MYO16: variants seen among roughly 807,000 people sequenced by gnomAD.
The protein encoded by MYO16 is unconventional myosin-XVI.
Under a neutral mutation model 205.3 loss-of-function variants are expected in MYO16, and 94 were observed. That is an observed-to-expected ratio of 0.46 (90% confidence interval 0.39 to 0.54). The LOEUF is 0.54. MYO16 is among the 20% of genes least tolerant of loss of function. The pLI, the probability that MYO16 is intolerant of heterozygous loss-of-function variation, is 0.00. For synonymous variants in MYO16, 988 were observed against 954.0 expected (o/e 1.04, Z -0.66); for missense variants, 2,315 against 2,387.5 (o/e 0.97, Z 0.63).
upstream of MYO16, among the ~76,000 whole-genome samples, chr13:108,626,831 A>C (rs1240423820): frequency 6.7e-6 from 1 of 148,568 alleles, no homozygotes. Flanking sequence ...GAAAAGAAAA[A>C]TATATATGTG....
chr13:108,934,575 G>A (rs1001317630), intron 16 of MYO16, among the ~76,000 whole-genome samples: 15 of 151,842 alleles, frequency 9.9e-5, no homozygotes, highest in East Asian at 5.8e-4. Flanking sequence ...AGTTTTTTTC[G>A]TTGTTCAGAA....
intron 23 of MYO16, among the ~76,000 whole-genome samples, chr13:109,037,318 G>A (rs1424385308): frequency 6.6e-6 from 1 of 152,190 alleles, no homozygotes; most frequent in African/African-American, 2.4e-5. Context: ...GCGTATAGAT[G>A]CTGATGAGTT....
intron 34 of MYO16, among the ~76,000 whole-genome samples, chr13:109,199,191 G>T (rs1166850061): frequency 5.8e-5 from 3 of 51,886 alleles, no homozygotes; most frequent in African/African-American, 2.3e-4. Context: ...TAATAAAAAA[G>T]GTATATATAT....
At chr13:108,732,915 T>A (rs1258154908) in intron 4 of MYO16, among the ~76,000 whole-genome samples, 1 of 152,206 alleles carries the variant, frequency 6.6e-6, no homozygotes, top group Non-Finnish European at 1.5e-5. Context: ...GAGTCACAGA[T>A]GACTTCCACT....
intron 1 of MYO16, among the ~76,000 whole-genome samples, chr13:108,601,072 T>TAAAA (rs1878745817): frequency 6.6e-6 from 1 of 152,128 alleles, no homozygotes; most frequent in South Asian, 2.1e-4. Flanking sequence ...TTGACCCATA[T>TAAAA]AAAAGCCTTA....
At chr13:109,061,037 G>A (rs574519234) in intron 27 of MYO16, among the ~76,000 whole-genome samples, 73 of 152,086 alleles carry the variant, frequency 4.8e-4, no homozygotes, top group Non-Finnish European at 8.7e-4. Context: ...TTCATGTTAC[G>A]GAGACAGTTT....
chr13:109,039,619 G>A (rs143141948), intron 23 of MYO16, among the ~76,000 whole-genome samples: 202 of 152,270 alleles, frequency 1.3e-3, no homozygotes, highest in African/African-American at 4.3e-3. Flanking sequence ...AGGGGAAATC[G>A]TGACAGAATT....
In MYO16 at chr13:108,659,756, T is replaced by TCAA. The variant is rs1437778132; in HGVS notation, c.29-6121_29-6119dup. ...ATAATTGTCCGTTCTGCAATTTCAT[T>TCAA]CAACAACAACAGCAAAACTATTGAC... On this transcript the variant is annotated intron_variant, in intron 1 of 34. Coordinates refer to ENST00000457511, the MANE Select transcript of MYO16 (RefSeq NM_001198950.3). Among the ~76,000 whole-genome samples, 12 of 152,264 alleles carry TCAA rather than the reference T, an allele frequency of 7.9e-5. No homozygotes were observed. In the East Asian group the frequency reaches 2.1e-3, roughly 27 times the overall value.
intron 17 of MYO16, 118 bp from the exon 18 acceptor site, chr13:108,961,421 C>T (rs1330374632): frequency 3.9e-6 from 3 of 779,202 alleles, no homozygotes; most frequent in Non-Finnish European, 6.5e-6. Flanking sequence ...TCTGCAAACT[C>T]CCAACCTCAT....
chr13:108,948,064 G>C (rs1167069022), intron 16 of MYO16, among the ~76,000 whole-genome samples: 1 of 152,192 alleles, frequency 6.6e-6, no homozygotes, highest in Non-Finnish European at 1.5e-5. Flanking sequence ...TGAGGAGGGG[G>C]AGACTTAAAA....
At chr13:108,964,722 C>G in intron 19 of MYO16, 39 bp from the exon 20 acceptor site, 2 of 1,604,930 alleles carry the variant, frequency 1.2e-6, no homozygotes, top group Non-Finnish European at 1.7e-6. Flanking sequence ...AATGAGGGAA[C>G]CCTTGTGCTC....
Position 108,883,055 on chromosome 13 carries a change from C to T in MYO16, c.1426-4C>T. 6.2e-7 allele frequency: 1 copy of T among 1,613,766 alleles called. No homozygotes were observed. Among genetic ancestry groups the T allele is most frequent in the South Asian group, 1.1e-5 (1 of 91,030 alleles). On this transcript the variant is annotated splice_polypyrimidine_tract_variant and splice_region_variant and intron_variant, in intron 12 of 34. Coordinates refer to ENST00000457511, the MANE Select transcript of MYO16 (RefSeq NM_001198950.3). Reference sequence around the variant, plus strand: ...TTTCCCCTTGCTGCTGCCCTGTTTTCCAGGTGTCCCAGCTGTATTTCAGCT... The same window carrying T: ...TTTCCCCTTGCTGCTGCCCTGTTTTTCAGGTGTCCCAGCTGTATTTCAGCT...
At chr13:108,838,840 G>A (rs898767215) in intron 9 of MYO16, among the ~76,000 whole-genome samples, 5 of 151,108 alleles carry the variant, frequency 3.3e-5, no homozygotes, top group Non-Finnish European at 4.4e-5. Context: ...TCAAAGAAGC[G>A]TAGAACATAT....
chr13:109,011,618 G>A (rs1423740595), intron 22 of MYO16, among the ~76,000 whole-genome samples: 4 of 151,544 alleles, frequency 2.6e-5, no homozygotes, highest in Admixed American at 1.3e-4. Flanking sequence ...GGGTTCAAGC[G>A]ATTCTCCTGC....
At position 108,744,080 on chromosome 13, in the gene MYO16, G is replaced by A. The variant is rs114869561; in HGVS notation, c.507+16497G>A. On this transcript the variant is annotated intron_variant, in intron 4 of 34. Transcript: ENST00000457511. ...CCTGTGAACTGTGGTAGAAAATCCC[G>A]GCCAAGCACCTGAATATCAACTTTT... 5.1e-3 allele frequency among the ~76,000 whole-genome samples: 779 copies of A among 152,258 alleles called. 8 individuals carry two copies. Among genetic ancestry groups the A allele is most frequent in the African/African-American group, 0.018 (732 of 41,550 alleles).
intron 2 of MYO16, among the ~76,000 whole-genome samples, chr13:108,673,917 A>C (rs1055548896): frequency 1.3e-5 from 2 of 152,124 alleles, no homozygotes; most frequent in African/African-American, 4.8e-5. Flanking sequence ...CAGGACAGAA[A>C]CCTTGAAGTC....
chr13:108,945,898 G>A (rs1433485122), intron 16 of MYO16, among the ~76,000 whole-genome samples: 3 of 152,228 alleles, frequency 2.0e-5, no homozygotes, highest in Non-Finnish European at 2.9e-5. Context: ...TTTAAAGCTG[G>A]AGGTGCTGAT....
intron 2 of MYO16, among the ~76,000 whole-genome samples, chr13:108,708,352 T>C (rs1391165586): frequency 6.6e-6 from 1 of 152,228 alleles, no homozygotes; most frequent in Non-Finnish European, 1.5e-5. Flanking sequence ...CAGGCATACT[T>C]TTTTAGAAGT....
At chr13:109,150,325 A>G (rs888438684) in intron 32 of MYO16, among the ~76,000 whole-genome samples, 12 of 152,204 alleles carry the variant, frequency 7.9e-5, no homozygotes, top group African/African-American at 2.9e-4. Context: ...CTATACTCAC[A>G]GCCCCTCAAT....
Sources: allele counts gnomAD v4.1 joint callset (sites outside exome capture counted in the v4.1 genomes callset), GRCh38; gene constraint gnomAD v4.1.1; transcripts MANE v1.5; gene names NCBI Gene and HGNC (gene_info 2026-07-23, HGNC 2026-07-21).